Variants in PRSS23 observed in about 807,000 individuals in gnomAD.
The protein encoded by PRSS23 is protease, serine 23.
Under a neutral mutation model 34.7 loss-of-function variants are expected in PRSS23, and 25 were observed. The ratio of observed to expected loss-of-function variants is 0.72; its 90% confidence interval spans 0.53 to 1.01. The LOEUF is 1.01. PRSS23 is among the 50% of genes least tolerant of loss of function. PRSS23 has a pLI of 0.00. For synonymous variants in PRSS23, 176 were observed against 186.6 expected (o/e 0.94, Z 0.46); for missense variants, 445 against 475.6 (o/e 0.94, Z 0.60).
chr11:86,913,288 A>AAGC (rs149841246), intron 2 of PRSS23, among the ~76,000 whole-genome samples: 1 of 144,894 alleles, frequency 6.9e-6, no homozygotes, highest in East Asian at 2.0e-4. Flanking sequence ...AAAAAAAAAA[A>AAGC]AAACCTATTA....
downstream of PRSS23, among the ~76,000 whole-genome samples, chr11:86,815,589 G>C (rs984040251): frequency 1.3e-5 from 2 of 152,156 alleles, no homozygotes; most frequent in Admixed American, 1.3e-4. Context: ...TTCTATTCTA[G>C]CATGTGTTAC....
At chr11:86,874,566 A>G (rs1216399693) in intron 2 of PRSS23, among the ~76,000 whole-genome samples, 2 of 152,306 alleles carry the variant, frequency 1.3e-5, no homozygotes, top group South Asian at 2.1e-4. Context: ...ACTACAGTAC[A>G]CCTTCCAGTA....
rs1249187717 is a variant in PRSS23, at chr11:86,951,054, T to G, written c.207-162T>G. The G allele has an allele frequency of 8.7e-6, 12 of 1,386,728 alleles. No homozygotes were observed. The Admixed American group carries it at 2.0e-4, about 23-fold the overall frequency. The allele number at this position is 1,386,728 out of a possible 1,614,324, so 85.9% of individuals were successfully genotyped here. ...TGTTGCTAGTTTGTTCAAACTGAGA[T>G]TCACTGCATAAAACTTTTAGTAGAA... On this transcript the variant is annotated intron_variant, in intron 2 of 2. Coordinates refer to the PRSS23 transcript ENST00000533902.
At chr11:86,902,765 C>T (rs1948919957) in intron 2 of PRSS23, among the ~76,000 whole-genome samples, 1 of 152,200 alleles carries the variant, frequency 6.6e-6, no homozygotes, top group Admixed American at 6.5e-5. Context: ...GCTAATTCCA[C>T]ACTGCTTCAT....
At chr11:86,900,287 G>A (rs1042971565) in intron 2 of PRSS23, among the ~76,000 whole-genome samples, 7 of 152,200 alleles carry the variant, frequency 4.6e-5, no homozygotes, top group African/African-American at 1.7e-4. Flanking sequence ...CTGCCTCCCA[G>A]GCGGGACATT....
At chr11:86,844,728 GTGT>G (rs1434374670) in intron 2 of PRSS23, among the ~76,000 whole-genome samples, 1 of 152,198 alleles carries the variant, frequency 6.6e-6, no homozygotes, top group African/African-American at 2.4e-5. Flanking sequence ...AAACAAACAA[GTGT>G]TGTTTTATCA....
chr11:86,848,707 C>T (rs1948506407), intron 2 of PRSS23, among the ~76,000 whole-genome samples: 1 of 152,178 alleles, frequency 6.6e-6, no homozygotes, highest in Admixed American at 6.5e-5. Flanking sequence ...AGGCCCAGAA[C>T]AAAGCTTGGA....
At chr11:86,878,801 C>G (rs1948744686) in intron 2 of PRSS23, among the ~76,000 whole-genome samples, 1 of 151,758 alleles carries the variant, frequency 6.6e-6, no homozygotes, top group Non-Finnish European at 1.5e-5. Flanking sequence ...CGGCCACCAT[C>G]CCATCTAGGA....
In PRSS23 at chr11:86,847,222, C is replaced by T. The variant is rs188237404; in HGVS notation, c.206+23629C>T. Among the ~76,000 whole-genome samples, 28 of 152,288 alleles carry T rather than the reference C, an allele frequency of 1.8e-4. No homozygotes were observed. The East Asian group carries it at 5.2e-3, about 28-fold the overall frequency. On this transcript the variant is annotated intron_variant, in intron 2 of 2. Transcript: ENST00000533902. ...CACCCCCTTTAAGCTTACTAAGCCT[C>T]CTGTTGCTAATTCAGAGATTTCTCC...
At chr11:86,867,055 A>G (rs1476978350) in intron 2 of PRSS23, among the ~76,000 whole-genome samples, 2 of 152,232 alleles carry the variant, frequency 1.3e-5, no homozygotes, top group Non-Finnish European at 2.9e-5. Flanking sequence ...CCCTAGAGAA[A>G]GAGACTCAGT....
At chr11:86,906,397 C>T (rs1948943108) in intron 2 of PRSS23, among the ~76,000 whole-genome samples, 1 of 152,214 alleles carries the variant, frequency 6.6e-6, no homozygotes, top group Non-Finnish European at 1.5e-5. Context: ...CTGCGCCCTC[C>T]GCCTGGTACT....
At chr11:86,894,438 G>T (rs1334307837) in intron 2 of PRSS23, among the ~76,000 whole-genome samples, 1 of 152,150 alleles carries the variant, frequency 6.6e-6, no homozygotes, top group Non-Finnish European at 1.5e-5. Context: ...GCTACTCAGG[G>T]CACCCAAGAA....
intron 2 of PRSS23, among the ~76,000 whole-genome samples, chr11:86,906,390 C>T (rs1371859408): frequency 6.6e-6 from 1 of 152,220 alleles, no homozygotes; most frequent in Non-Finnish European, 1.5e-5. Context: ...CCTGAGGCTG[C>T]GCCCTCCGCC....
At chr11:86,949,409 AAAAAAAAAAAG>A (rs1470566678) in intron 2 of PRSS23, 6 of 151,806 alleles carry the variant, frequency 4.0e-5, no homozygotes, top group Admixed American at 6.6e-5. Context: ...TGTGATTGAA[AAAAAAAAAAAG>A]AAAAAAAAAA....
At chr11:86,853,753 T>C (rs1948548431) in intron 2 of PRSS23, among the ~76,000 whole-genome samples, 1 of 152,214 alleles carries the variant, frequency 6.6e-6, no homozygotes, top group Non-Finnish European at 1.5e-5. Context: ...CCCACGAATG[T>C]AACTGTGGGA....
intron 2 of PRSS23, among the ~76,000 whole-genome samples, chr11:86,879,536 G>A (rs1183748393): frequency 3.6e-5 from 5 of 139,522 alleles, no homozygotes; most frequent in East Asian, 2.2e-4. Context: ...CGCCCCGTCC[G>A]GGAGGGAGGT....
At chr11:86,878,013 C>A (rs1948736459) in intron 2 of PRSS23, among the ~76,000 whole-genome samples, 1 of 152,026 alleles carries the variant, frequency 6.6e-6, no homozygotes, top group African/African-American at 2.4e-5. Flanking sequence ...ATTTAAATTT[C>A]TTTAAATTTC....
rs991269457 is a variant in PRSS23 at position 86,810,658 on chromosome 11, A to C, written c.*1863A>C. Reference sequence around the variant, plus strand: ...AGAATGGATTTTTTTAAAAAAATAGATGTTCCTTTTGTGAAGCACCTTGAT... The same window carrying C: ...AGAATGGATTTTTTTAAAAAAATAGCTGTTCCTTTTGTGAAGCACCTTGAT... On this transcript the variant is annotated 3_prime_UTR_variant, in exon 2 of 2. Transcript: ENST00000280258. The C allele has an allele frequency of 1.2e-5, 2 of 167,004 alleles. No individual in the cohort carries two copies. Among genetic ancestry groups the C allele is most frequent in the African/African-American group, 4.8e-5 (2 of 41,438 alleles). The allele number at this position is 167,004 out of a possible 1,614,324, so 10.3% of individuals were successfully genotyped here.
chr11:86,948,423 T>G (rs1318760164), intron 2 of PRSS23: 2 of 151,958 alleles, frequency 1.3e-5, no homozygotes, highest in Non-Finnish European at 1.5e-5. Context: ...ATTTAAGAAG[T>G]GATGGAGTTG....
Sources: allele counts gnomAD v4.1 joint callset (sites outside exome capture counted in the v4.1 genomes callset), GRCh38; gene constraint gnomAD v4.1.1; transcripts MANE v1.5; gene names NCBI Gene and HGNC (gene_info 2026-07-23, HGNC 2026-07-21).